NCAPD2: variants seen among roughly 807,000 people sequenced by gnomAD.
NCAPD2 encodes non-SMC condensin I complex subunit D2.
Under a neutral mutation model 164.5 loss-of-function variants are expected in NCAPD2, and 100 were observed. The observed-to-expected ratio is 0.61, with a 90% CI of 0.52 to 0.72. The LOEUF is 0.72. NCAPD2 is among the 30% of genes least tolerant of loss of function. NCAPD2 has a pLI of 0.00. For synonymous variants in NCAPD2, 585 were observed against 642.6 expected, an observed-to-expected ratio of 0.91 and a Z score of 1.36; for missense variants, 1,560 against 1,749.2, an observed-to-expected ratio of 0.89 and a Z score of 1.93.
intron 2 of NCAPD2, 66 bp downstream of exon 2, chr12:6,495,291 A>G (rs1945968265): frequency 1.9e-6 from 3 of 1,574,536 alleles, no homozygotes; most frequent in Non-Finnish European, 1.7e-6. Context: ...GAATTGCTAC[A>G]TTGTCATTTC....
In NCAPD2 at chr12:6,531,115, C is replaced by A; in HGVS notation, c.4120+39C>A. 6.2e-7 allele frequency: 1 copy of A among 1,610,726 alleles called. No individual in the cohort carries two copies. The highest frequency in any genetic ancestry group is 8.5e-7 in the Non-Finnish European group (1 of 1,178,980). ...GCCTGTTCCCGGCCGAGAAGGCACA[C>A]AGCTAGGGTGCAGAGGGCTGGTTTC... On this transcript the variant is annotated intron_variant, in intron 31 of 31. Coordinates refer to ENST00000315579, the MANE Select transcript of NCAPD2 (RefSeq NM_014865.4). The surrounding 1 kb of genome is among the most constrained non-coding windows in gnomAD (Gnocchi z 4.1).
intron 2 of NCAPD2, among the ~76,000 whole-genome samples, chr12:6,499,150 C>T (rs945849390): frequency 6.6e-6 from 1 of 152,144 alleles, no homozygotes; most frequent in Non-Finnish European, 1.5e-5. Flanking sequence ...TTTTATGCTA[C>T]TCAGAATGAC....
At chr12:6,518,083 A>C in intron 13 of NCAPD2, 124 bp downstream of exon 13, 1 of 873,932 alleles carries the variant, frequency 1.1e-6, no homozygotes, top group Non-Finnish European at 1.8e-6. Context: ...GTGATGGTAG[A>C]TGTTTTCATG....
At chr12:6,524,679 A>G (rs969962338) in intron 17 of NCAPD2, among the ~76,000 whole-genome samples, 3 of 151,882 alleles carry the variant, frequency 2.0e-5, no homozygotes, top group African/African-American at 7.3e-5. Flanking sequence ...AAATCTGGAA[A>G]AGATAATAAA....
chr12:6,529,284 T>C (rs1029562249), intron 27 of NCAPD2: 2 of 615,484 alleles, frequency 3.2e-6, no homozygotes, highest in Non-Finnish European at 5.7e-6. Flanking sequence ...ACTCACTCCC[T>C]AGCAGCTGCT....
chr12:6,498,703 G>A (rs1946006070), intron 2 of NCAPD2, among the ~76,000 whole-genome samples: 1 of 152,000 alleles, frequency 6.6e-6, no homozygotes, highest in Admixed American at 6.6e-5. Flanking sequence ...CGCCTCCCAG[G>A]TTCAAGAGAT....
At chr12:6,507,568 G>T (rs1226657306) in intron 2 of NCAPD2, among the ~76,000 whole-genome samples, 4 of 152,274 alleles carry the variant, frequency 2.6e-5, no homozygotes, top group Admixed American at 2.0e-4. Flanking sequence ...TGCACAATTA[G>T]CCCAATTGGC....
At chr12:6,502,164 C>T (rs1004295511) in intron 2 of NCAPD2, among the ~76,000 whole-genome samples, 2 of 151,672 alleles carry the variant, frequency 1.3e-5, no homozygotes, top group Non-Finnish European at 2.9e-5. Flanking sequence ...ATCTGGTACA[C>T]GGGGAGGAGA....
Position 6,509,625 on chromosome 12 carries a change from A to G in NCAPD2, c.128-92A>G, listed in dbSNP as rs937801392. 4 of 1,152,606 alleles carry G rather than the reference A, an allele frequency of 3.5e-6. No homozygotes were observed. The African/African-American group carries it at 6.1e-5, about 18-fold the overall frequency. The allele number at this position is 1,152,606 out of a possible 1,614,324, so 71.4% of individuals were successfully genotyped here. ...GTCTCTTTTTTGTGATTCTACCAAT[A>G]AAAGCAATAAACCTAGTTTTCTGCC... On this transcript the variant is annotated intron_variant, in intron 2 of 31. Coordinates refer to ENST00000315579, the MANE Select transcript of NCAPD2 (RefSeq NM_014865.4).
At chr12:6,504,314 GT>G (rs1946078937) in intron 2 of NCAPD2, among the ~76,000 whole-genome samples, 1 of 150,538 alleles carries the variant, frequency 6.6e-6, no homozygotes. Flanking sequence ...GCATATGTAA[GT>G]TTTGACTGCC....
rs1184088764 is a variant in NCAPD2, at chr12:6,517,518, C to A, written c.1320+19C>A. The A allele has an allele frequency of 1.9e-6, 3 of 1,613,960 alleles. No individual in the cohort carries two copies. In the East Asian group the frequency reaches 6.7e-5, roughly 36 times the overall value. On this transcript the variant is annotated intron_variant, in intron 11 of 31. Coordinates refer to ENST00000315579, the MANE Select transcript of NCAPD2 (RefSeq NM_014865.4). ...CTGCAAGGTAAGTAGACTTGGTCCA[C>A]CAAAAGAGAAGGAATTAAATGGAAA... is the stretch of plus-strand genomic sequence containing the variant.
chr12:6,496,066 T>TC (rs771657172), intron 2 of NCAPD2, among the ~76,000 whole-genome samples: 5 of 151,014 alleles, frequency 3.3e-5, no homozygotes, highest in African/African-American at 9.7e-5. Context: ...TTTCTTTTTT[T>TC]TTTTTTTTTG....
intron 4 of NCAPD2, chr12:6,510,356 G>T (rs138128987): frequency 5.1e-6 from 4 of 783,712 alleles, no homozygotes; most frequent in Middle Eastern, 2.2e-4. Flanking sequence ...AGACCAACAA[G>T]AACTTTTTCC....
Position 6,531,094 on chromosome 12 carries a change from G to A in NCAPD2, c.4120+18G>A, listed in dbSNP as rs553323436. ...TGAGGAAGGTATGATGCTCCCGCCT[G>A]TTCCCGGCCGAGAAGGCACACAGCT... On this transcript the variant is annotated intron_variant, in intron 31 of 31. Coordinates refer to ENST00000315579, the MANE Select transcript of NCAPD2 (RefSeq NM_014865.4). This position sits in a 1 kb window ranked among gnomAD's most constrained non-coding sequence, Gnocchi z 4.1. 6.2e-7 allele frequency: 1 copy of A among 1,612,450 alleles called. No homozygotes were observed. Among genetic ancestry groups the A allele is most frequent in the Admixed American group, 1.7e-5 (1 of 59,996 alleles).
rs955405147 is a variant in NCAPD2 at position 6,528,304 on chromosome 12, C to A, written c.3275C>A (p.Pro1092His). 8 of 1,613,672 alleles carry A rather than the reference C, an allele frequency of 5.0e-6. No homozygotes were observed. The highest frequency in any genetic ancestry group is 6.8e-6 in the Non-Finnish European group (8 of 1,180,050). Residue 1092 changes from proline (P) to histidine (H), a missense_variant, in exon 25 of 32, where the codon CCC (proline) becomes CAC (histidine). Pro to His is a moderately conservative substitution (Grantham distance 77). Transcript: ENST00000315579. The surrounding 1 kb of genome is among the most constrained non-coding windows in gnomAD (Gnocchi z 5.1). ...LAIRFPNLVD[P>H]WTPHLYARLR... ...ATCCGCTTTCCCAATCTGGTGGACC[C>A]CTGGACTCCTCATCTGTATGCTCGG... is the stretch of plus-strand genomic sequence containing the variant.
rs552764229 is a variant in NCAPD2 at position 6,499,199 on chromosome 12, ATTTC to A, written c.127+3990_127+3993del. ...TTTATGAATTGTGTATCTCTGGAATATTTCTTTCTTTCTTTCTTTTTATTTTTTT... is the reference window on the plus strand; with the variant it reads ...TTTATGAATTGTGTATCTCTGGAATATTTCTTTCTTTCTTTTTATTTTTTT... On this transcript the variant is annotated intron_variant, in intron 2 of 31. Transcript: ENST00000315579. Among the ~76,000 whole-genome samples, 357 of 151,778 alleles carry A rather than the reference ATTTC, an allele frequency of 2.4e-3. 1 individual carries two copies. The highest frequency in any genetic ancestry group is 7.2e-3 in the African/African-American group (297 of 41,394).
At chr12:6,514,955 T>C in intron 9 of NCAPD2, 35 bp downstream of exon 9, 2 of 1,612,288 alleles carry the variant, frequency 1.2e-6, no homozygotes, top group Non-Finnish European at 1.7e-6. Context: ...GAGCTTTTTC[T>C]GGGGATTTTA....
chr12:6,511,239 G>A lies in NCAPD2; in HGVS notation c.574G>A (p.Glu192Lys). 1 of 1,614,214 alleles carries A rather than the reference G, an allele frequency of 6.2e-7. No individual in the cohort carries two copies. The highest frequency in any genetic ancestry group is 8.5e-7 in the Non-Finnish European group (1 of 1,180,030). ...RHLWNHSIIEEEFVSLVTGCC... is the reference protein window; with the variant it reads ...RHLWNHSIIEKEFVSLVTGCC... ...CCTGTGGAACCACTCAATAATTGAA[G>A]AAGAATTTGTCAGGTGGGTAGGGAG... The change falls in exon 6 of 32, where the codon GAA becomes AAA. Residue 192 changes from glutamate to lysine, a missense_variant. By Grantham distance (56) the Glu-to-Lys change is moderately conservative. Coordinates refer to ENST00000315579, the MANE Select transcript of NCAPD2 (RefSeq NM_014865.4).
chr12:6,526,676 G>C (rs971019128), intron 21 of NCAPD2, 61 bp downstream of exon 21: 1 of 1,572,000 alleles, frequency 6.4e-7, no homozygotes, highest in Non-Finnish European at 8.7e-7. Context: ...GCAGGGCCAG[G>C]AGCCACTGCC....
Sources: gnomAD v4.1 joint callset for allele counts (sites outside exome capture counted in the v4.1 genomes callset) on GRCh38, gnomAD v4.1.1 for gene constraint, Gnocchi (gnomAD v3.1) non-coding constraint, MANE v1.5 for transcripts, NCBI Gene and HGNC (gene_info 2026-07-23, HGNC 2026-07-21) for gene names.